The following NDC1 variants were observed in gnomAD, a reference collection of about 807,000 sequenced individuals.
The protein encoded by NDC1 is NDC1 transmembrane nucleoporin, also known as nucleoporin NDC1.
A neutral mutation model predicts 89.8 loss-of-function variants in NDC1; 24 were observed. The observed-to-expected ratio is 0.27, with a 90% confidence interval of 0.19 to 0.38. The LOEUF is 0.38. NDC1 is among the 10% of genes least tolerant of loss of function. NDC1 has a pLI of 1.00. For missense variants in NDC1, 728 were observed against 797.6 expected (o/e 0.91, Z 1.05); for synonymous variants, 296 against 284.8 (o/e 1.04, Z -0.39).
chr1:53,772,516 T>C, intron 16 of NDC1, 27 bp from the exon 17 acceptor site: 1 of 1,604,958 alleles, frequency 6.2e-7, no homozygotes, highest in South Asian at 1.1e-5. Context: ...AACACATCAG[T>C]TTAGATTATA....
At chr1:53,798,556 T>C (rs1177560724) in intron 11 of NDC1, among the ~76,000 whole-genome samples, 4 of 150,940 alleles carry the variant, frequency 2.7e-5, no homozygotes, top group African/African-American at 7.3e-5. Flanking sequence ...CTTTTCTTTT[T>C]TTTTTTTTTT....
chr1:53,791,531 A>G (rs1171022732), intron 14 of NDC1, among the ~76,000 whole-genome samples: 4 of 152,186 alleles, frequency 2.6e-5, no homozygotes, highest in Admixed American at 1.3e-4. Flanking sequence ...ACGTACCACC[A>G]TGGAATAGTG....
At chr1:53,815,011 G>A (rs182811400) in intron 6 of NDC1, among the ~76,000 whole-genome samples, 1 of 152,106 alleles carries the variant, frequency 6.6e-6, no homozygotes, top group South Asian at 2.1e-4. Flanking sequence ...ATTCACAGCA[G>A]AATTCTACCA....
intron 3 of NDC1, among the ~76,000 whole-genome samples, chr1:53,831,454 C>T (rs930032356): frequency 2.0e-5 from 3 of 151,868 alleles, no homozygotes; most frequent in Non-Finnish European, 4.4e-5. Context: ...GAGGGCAGAT[C>T]ACAAGGTCAA....
At chr1:53,814,127 G>A (rs1648400607) in intron 6 of NDC1, among the ~76,000 whole-genome samples, 1 of 152,164 alleles carries the variant, frequency 6.6e-6, no homozygotes, top group African/African-American at 2.4e-5. Context: ...GCCAAGGCGG[G>A]TGGATCACGA....
At chr1:53,806,866 A>T (rs1384645880) in intron 8 of NDC1, among the ~76,000 whole-genome samples, 1 of 152,218 alleles carries the variant, frequency 6.6e-6, no homozygotes, top group Non-Finnish European at 1.5e-5. Context: ...CAATCACTTA[A>T]AAAGATTTCT....
intron 4 of NDC1, among the ~76,000 whole-genome samples, chr1:53,826,275 C>T (rs773900727): frequency 6.6e-6 from 1 of 152,216 alleles, no homozygotes; most frequent in Non-Finnish European, 1.5e-5. Flanking sequence ...GATGCCATAA[C>T]ATTGGGTTTG....
chr1:53,780,058 ATTTCTTTTT>A (rs1044144349), intron 16 of NDC1, among the ~76,000 whole-genome samples: 1 of 151,890 alleles, frequency 6.6e-6, no homozygotes, highest in African/African-American at 2.4e-5. Flanking sequence ...ATCATCCTGC[ATTTCTTTTT>A]TTTCTTTTTT....
intron 9 of NDC1, among the ~76,000 whole-genome samples, chr1:53,804,772 C>T (rs1274117237): frequency 6.9e-6 from 1 of 145,586 alleles, no homozygotes; most frequent in Non-Finnish European, 1.5e-5. Context: ...CCACCATGCC[C>T]GGCCACCCTA....
At chr1:53,802,774 G>A (rs535008262) in intron 10 of NDC1, among the ~76,000 whole-genome samples, 1 of 152,296 alleles carries the variant, frequency 6.6e-6, no homozygotes, top group South Asian at 2.1e-4. Context: ...AACTGGCAAA[G>A]TCACAGTCTT....
intron 16 of NDC1, among the ~76,000 whole-genome samples, chr1:53,775,687 C>T (rs564444707): frequency 1.3e-5 from 2 of 152,194 alleles, no homozygotes; most frequent in South Asian, 4.2e-4. Flanking sequence ...GCACTTATCC[C>T]CTTACAAATT....
At chr1:53,828,305 T>C (rs1455919585) in intron 3 of NDC1, 132 bp from the exon 4 acceptor site, 8 of 739,952 alleles carry the variant, frequency 1.1e-5, no homozygotes, top group Non-Finnish European at 9.7e-6. Context: ...GCAAATACAA[T>C]ACAGAAAAAT....
intron 5 of NDC1, among the ~76,000 whole-genome samples, chr1:53,822,798 T>C (rs779860309): frequency 4.9e-4 from 75 of 152,170 alleles, no homozygotes; most frequent in Non-Finnish European, 1.5e-4. Flanking sequence ...ATAATGATGA[T>C]AATGATAATG....
chr1:53,828,699 C>A (rs1323439236), intron 3 of NDC1, among the ~76,000 whole-genome samples: 1 of 151,990 alleles, frequency 6.6e-6, no homozygotes, highest in Admixed American at 6.6e-5. Context: ...GCAACCTCTG[C>A]CTCCTGGATT....
intron 14 of NDC1, among the ~76,000 whole-genome samples, chr1:53,792,485 A>C (rs761293338): frequency 6.6e-6 from 1 of 152,232 alleles, no homozygotes; most frequent in Non-Finnish European, 1.5e-5. Flanking sequence ...TTTCCACCAG[A>C]GTATGACTCC....
chr1:53,817,127 T>C (rs781361857), intron 6 of NDC1, among the ~76,000 whole-genome samples: 6 of 152,206 alleles, frequency 3.9e-5, no homozygotes, highest in African/African-American at 7.2e-5. Flanking sequence ...GATCCCGCAA[T>C]CCCACTACTG....
At chr1:53,835,357 T>C (rs1649194627) in intron 2 of NDC1, 143 bp downstream of exon 2, 2 of 541,154 alleles carry the variant, frequency 3.7e-6, no homozygotes, top group East Asian at 6.4e-5. Flanking sequence ...GAAGGAGACA[T>C]CTTAAAATTA....
intron 6 of NDC1, among the ~76,000 whole-genome samples, chr1:53,818,505 T>C (rs766659103): frequency 1.6e-4 from 24 of 152,292 alleles, no homozygotes; most frequent in Non-Finnish European, 2.5e-4. Flanking sequence ...ATGCACATTT[T>C]TGTGCAACAG....
chr1:53,794,657 G>C (rs1336488239), intron 13 of NDC1, among the ~76,000 whole-genome samples: 1 of 152,160 alleles, frequency 6.6e-6, no homozygotes, highest in Non-Finnish European at 1.5e-5. Context: ...ACTGCTTGAG[G>C]CCAAGAGTTT....
Sources: gnomAD v4.1 joint callset for allele counts (sites outside exome capture counted in the v4.1 genomes callset) on GRCh38, gnomAD v4.1.1 for gene constraint, MANE v1.5 for transcripts, NCBI Gene and HGNC (gene_info 2026-07-23, HGNC 2026-07-21) for gene names.